WDPCP: variants seen among roughly 807,000 people sequenced by gnomAD.
The protein encoded by WDPCP is WD repeat-containing and planar cell polarity effector protein fritz homolog.
WDPCP carries 71 observed loss-of-function variants against 93.1 expected under a neutral mutation model. That is an observed-to-expected ratio of 0.76 (90% confidence interval 0.63 to 0.93). WDPCP has a LOEUF of 0.93. WDPCP is among the 40% of genes least tolerant of loss of function. The pLI, the probability that WDPCP is intolerant of heterozygous loss-of-function variation, is 0.00. For missense variants in WDPCP, 844 were observed against 887.4 expected, an observed-to-expected ratio of 0.95 and a Z score of 0.62; for synonymous variants, 315 against 315.0, an observed-to-expected ratio of 1.00 and a Z score of 0.00.
At chr2:63,440,120 GT>G (rs1268735831) in intron 6 of WDPCP, 1 of 403,492 alleles carries the variant, frequency 2.5e-6, no homozygotes, top group East Asian at 4.2e-5. Flanking sequence ...TTTAGGCCAT[GT>G]TTATTAGAAA....
At chr2:63,443,796 A>T (rs1697657831) in intron 6 of WDPCP, among the ~76,000 whole-genome samples, 1 of 152,312 alleles carries the variant, frequency 6.6e-6, no homozygotes, top group East Asian at 1.9e-4. Flanking sequence ...GATATATTTT[A>T]AAAAGTATCT....
At chr2:63,750,901 G>T (rs1669869058) in intron 2 of WDPCP, among the ~76,000 whole-genome samples, 1 of 152,002 alleles carries the variant, frequency 6.6e-6, no homozygotes, top group Non-Finnish European at 1.5e-5. Context: ...AGATTTTTAT[G>T]TCTATGTTCA....
chr2:63,260,165 A>T (rs1681507753), intron 13 of WDPCP, among the ~76,000 whole-genome samples: 1 of 152,222 alleles, frequency 6.6e-6, no homozygotes, highest in African/African-American at 2.4e-5. Context: ...GAAGCTTGAG[A>T]AAACACAACT....
intron 1 of WDPCP, among the ~76,000 whole-genome samples, chr2:63,575,369 A>ACG (rs1275811879): frequency 8.5e-5 from 10 of 118,132 alleles, no homozygotes; most frequent in Admixed American, 4.6e-4. Context: ...CAGTATATAC[A>ACG]GTATATACAG....
intron 13 of WDPCP, among the ~76,000 whole-genome samples, chr2:63,310,023 C>G (rs1162986557): frequency 6.6e-6 from 1 of 152,112 alleles, no homozygotes; most frequent in Non-Finnish European, 1.5e-5. Flanking sequence ...TAAATTCCAG[C>G]ATTGTTAATC....
chr2:63,594,634 G>T, intron 3 of WDPCP: 1 of 1,321,158 alleles, frequency 7.6e-7, no homozygotes, highest in Admixed American at 1.8e-5. Context: ...TAAGAATATG[G>T]TTAATAAAAA....
chr2:63,602,414 T>C (rs909582296), intron 3 of WDPCP, among the ~76,000 whole-genome samples: 1 of 139,786 alleles, frequency 7.2e-6, no homozygotes, highest in Non-Finnish European at 1.5e-5. Context: ...CGCAAAAAAA[T>C]AGTACAGAGA....
intron 14 of WDPCP, among the ~76,000 whole-genome samples, chr2:63,182,453 TTGAG>T (rs1377455950): frequency 2.0e-5 from 3 of 152,108 alleles, no homozygotes; most frequent in Non-Finnish European, 4.4e-5. Flanking sequence ...ATTTGTTTAC[TTGAG>T]TATGTTGAAC....
intron 1 of WDPCP, among the ~76,000 whole-genome samples, chr2:63,506,922 AAAG>A (rs1324285021): frequency 1.2e-4 from 18 of 152,148 alleles, no homozygotes; most frequent in South Asian, 2.1e-4. Flanking sequence ...AAAACAGACA[AAAG>A]AAGACTTGAA....
At chr2:63,791,193 G>A (rs993213661) in intron 2 of WDPCP, among the ~76,000 whole-genome samples, 2 of 152,098 alleles carry the variant, frequency 1.3e-5, no homozygotes, top group Non-Finnish European at 2.9e-5. Context: ...CCTGGGTCTA[G>A]GGTGGGGAAT....
chr2:63,725,672 AG>A (rs1324373740), intron 2 of WDPCP, among the ~76,000 whole-genome samples: 1 of 152,168 alleles, frequency 6.6e-6, no homozygotes, highest in Non-Finnish European at 1.5e-5. Context: ...AACAGTATGT[AG>A]GTGTTAACTT....
chr2:63,134,831 A>C (rs1238425626), intron 17 of WDPCP, among the ~76,000 whole-genome samples: 1 of 152,172 alleles, frequency 6.6e-6, no homozygotes, highest in Non-Finnish European at 1.5e-5. Flanking sequence ...TGTTTTTCAA[A>C]GCTCAAGATT....
Position 63,645,470 on chromosome 2 carries a change from G to A in WDPCP, n.488+5189C>T, listed in dbSNP as rs181296840. On this transcript the variant is annotated intron_variant and non_coding_transcript_variant, in intron 3 of 4. Coordinates refer to the WDPCP transcript ENST00000467687. Reference sequence around the variant, plus strand: ...ATCCAAGTGCTGAGAAAAAGAATGTGTATTCTGCAGCCATTGGATGAAATG... The same window carrying A: ...ATCCAAGTGCTGAGAAAAAGAATGTATATTCTGCAGCCATTGGATGAAATG... 3.9e-5 allele frequency among the ~76,000 whole-genome samples: 6 copies of A among 152,292 alleles called. No individual in the cohort carries two copies. In the East Asian group the frequency reaches 1.2e-3, roughly 29 times the overall value.
intron 12 of WDPCP, among the ~76,000 whole-genome samples, chr2:63,313,886 A>ATGTGTGTGTGTGTATATATATATATTTT: frequency 1.3e-5 from 1 of 74,502 alleles, no homozygotes; most frequent in Non-Finnish European, 2.6e-5. Flanking sequence ...ATATATATAT[A>ATGTGTGTGTGTGTATATATATATATTTT]TTTTTTTTTT....
chr2:63,581,954 C>A (rs1708523924), intron 1 of WDPCP, among the ~76,000 whole-genome samples: 1 of 150,916 alleles, frequency 6.6e-6, no homozygotes, highest in African/African-American at 2.4e-5. Context: ...GCTGCACTGG[C>A]CACTAGCTCT....
At chr2:63,839,309 C>T in the WDPCP span, among the ~76,000 whole-genome samples, 1 of 152,206 alleles carries the variant, frequency 6.6e-6, no homozygotes, top group Non-Finnish European at 1.5e-5. Context: ...CCTGTAATCC[C>T]AGCACTTTGG....
intron 3 of WDPCP, chr2:63,597,904 T>C (rs569468235): frequency 7.8e-4 from 127 of 162,228 alleles, no homozygotes; most frequent in Non-Finnish European, 1.4e-3. Context: ...TAAATTTGTG[T>C]GTGATTGTGA....
chr2:63,597,582 A>G lies in WDPCP; in HGVS notation n.488+53077T>C, dbSNP rs770991354. The G allele has an allele frequency of 7.3e-6, 10 of 1,367,762 alleles. No individual in the cohort carries two copies. In the South Asian group the frequency reaches 1.9e-4, roughly 26 times the overall value. The allele number at this position is 1,367,762 out of a possible 1,614,324, so 84.7% of individuals were successfully genotyped here. The stretch of plus-strand genomic sequence containing the variant: ...GCCAAGAAGTCAGTTAAGGTGACCA[A>G]TGCTGTATTTTATGGGATTTTTCAT... On this transcript the variant is annotated intron_variant and non_coding_transcript_variant, in intron 3 of 4. Transcript: ENST00000467687.
chr2:63,274,597 A>G (rs1682933905), intron 13 of WDPCP, among the ~76,000 whole-genome samples: 1 of 152,106 alleles, frequency 6.6e-6, no homozygotes, highest in South Asian at 2.1e-4. Context: ...AAAAGCTGAA[A>G]TAAGATCAGA....
Sources: gnomAD v4.1 joint callset for allele counts (sites outside exome capture counted in the v4.1 genomes callset) on GRCh38, gnomAD v4.1.1 for gene constraint, MANE v1.5 for transcripts, NCBI Gene and HGNC (gene_info 2026-07-23, HGNC 2026-07-21) for gene names.